The following ABCB7 variants were observed in gnomAD, a reference collection of about 807,000 sequenced individuals.
ABCB7 encodes iron-sulfur clusters transporter ABCB7, mitochondrial.
In ABCB7, 7 loss-of-function variants were observed where a neutral mutation model predicts 54.4. That is an observed-to-expected ratio of 0.13 (90% CI 0.07 to 0.24). The LOEUF (loss-of-function observed/expected upper bound fraction) is 0.24, where lower values mean the gene tolerates loss of function less well. ABCB7 is among the 10% of genes least tolerant of loss of function. The pLI, the probability that ABCB7 is intolerant of heterozygous loss-of-function variation, is 1.00. For missense variants in ABCB7, 356 were observed against 570.4 expected, an observed-to-expected ratio of 0.62 and a Z score of 3.83; for synonymous variants, 218 against 207.1, an observed-to-expected ratio of 1.05 and a Z score of -0.45.
At chrX:75,075,075 G>A (rs1434970685) in intron 6 of ABCB7, among the ~76,000 whole-genome samples, 1 of 111,561 alleles carries the variant, frequency 9.0e-6, no homozygotes, top group Non-Finnish European at 1.9e-5. Flanking sequence ...GAGCATATTA[G>A]TCCAATGTCA....
At chrX:75,058,569 A>G (rs549894003) in intron 15 of ABCB7, among the ~76,000 whole-genome samples, 1 of 112,055 alleles carries the variant, frequency 8.9e-6, no homozygotes, top group Non-Finnish European at 1.9e-5. Context: ...CTAGAAAATG[A>G]AAATCTGTTA....
chrX:75,075,732 C>A, intron 5 of ABCB7, 102 bp from the exon 6 acceptor site: 1 of 781,570 alleles, frequency 1.3e-6, no homozygotes, highest in South Asian at 2.6e-5. Flanking sequence ...ATGAGTAATT[C>A]AGTGAATGAA....
intron 14 of ABCB7, among the ~76,000 whole-genome samples, chrX:75,060,849 A>T (rs2081276995): frequency 9.0e-6 from 1 of 111,174 alleles, no homozygotes; most frequent in Admixed American, 9.6e-5. Context: ...AACTGCAGAA[A>T]CCTCTTTTTC....
chrX:75,150,958 C>A (rs1055133828), intron 1 of ABCB7, among the ~76,000 whole-genome samples: 2 of 111,077 alleles, frequency 1.8e-5, no homozygotes, highest in African/African-American at 6.5e-5. Flanking sequence ...TACTCAGGAA[C>A]ACCATTAGAA....
At position 75,073,672 on chromosome X, in the gene ABCB7, A is replaced by G; in HGVS notation, c.1032+17T>C. 8.8e-7 allele frequency: 1 copy of G among 1,139,522 alleles called. No individual in the cohort carries two copies. Among genetic ancestry groups the G allele is most frequent in the Non-Finnish European group, 1.2e-6 (1 of 830,798 alleles). The allele number at this position is 1,139,522 out of a possible 1,213,427, so 93.9% of individuals were successfully genotyped here. A position where few individuals can be genotyped will look rare whatever the true frequency, so the allele number is the denominator to read the frequency against. On this transcript the variant is annotated intron_variant, in intron 8 of 15. Transcript: ENST00000373394. ...TGCAGTGTGAAAGGCAGAGGAAAGT[A>G]TAATTAAACATATTACCTTCACAGT...
chrX:75,079,246 A>G (rs1172357020), intron 4 of ABCB7, among the ~76,000 whole-genome samples: 1 of 112,077 alleles, frequency 8.9e-6, no homozygotes, highest in Non-Finnish European at 1.9e-5. Context: ...ATAACTGAAT[A>G]CTGTCAGTTT....
chrX:75,145,104 C>T (rs1009065302), intron 1 of ABCB7, among the ~76,000 whole-genome samples: 5 of 110,362 alleles, frequency 4.5e-5, no homozygotes, highest in African/African-American at 1.3e-4. Context: ...AAACAGCCTA[C>T]CAACCACAAA....
At chrX:75,104,255 G>T (rs1162059958) in intron 3 of ABCB7, among the ~76,000 whole-genome samples, 2 of 106,126 alleles carry the variant, frequency 1.9e-5, no homozygotes, top group East Asian at 2.9e-4. Flanking sequence ...ACAAATAAAA[G>T]ATTGATTCTT....
chrX:75,058,520 G>C (rs974045818), intron 15 of ABCB7, among the ~76,000 whole-genome samples: 1 of 111,779 alleles, frequency 8.9e-6, no homozygotes, highest in Non-Finnish European at 1.9e-5. Flanking sequence ...CACAGGAGGT[G>C]ACAGATTATT....
intron 1 of ABCB7, among the ~76,000 whole-genome samples, chrX:75,138,223 T>TACAC (rs60844679): frequency 5.3e-4 from 53 of 99,433 alleles, no homozygotes; most frequent in African/African-American, 1.8e-3. Flanking sequence ...GCAACCCTCA[T>TACAC]ACACACACAC....
intron 1 of ABCB7, among the ~76,000 whole-genome samples, chrX:75,119,632 T>C (rs963195358): frequency 8.9e-6 from 1 of 112,089 alleles, no homozygotes; most frequent in African/African-American, 3.2e-5. Context: ...GCTCATTTAG[T>C]ATAAAAATCA....
intron 1 of ABCB7, among the ~76,000 whole-genome samples, chrX:75,130,440 T>C (rs1279945116): frequency 1.8e-5 from 2 of 112,671 alleles, no homozygotes; most frequent in Non-Finnish European, 3.8e-5. Context: ...AAGAGAGTGT[T>C]ATGACATTTG....
At chrX:75,066,206 C>T (rs1428685780) in intron 12 of ABCB7, among the ~76,000 whole-genome samples, 2 of 111,316 alleles carry the variant, frequency 1.8e-5, no homozygotes, top group Non-Finnish European at 1.9e-5. Flanking sequence ...AATCTCTAAA[C>T]GGTTGGAAGG....
chrX:75,140,406 G>A (rs1012314202), intron 1 of ABCB7, among the ~76,000 whole-genome samples: 1 of 110,787 alleles, frequency 9.0e-6, no homozygotes, highest in Non-Finnish European at 1.9e-5. Flanking sequence ...TTCTAATAAA[G>A]GAAACAGTGT....
chrX:75,114,674 T>C (rs1326273470), intron 2 of ABCB7, 80 bp downstream of exon 2: 4 of 812,490 alleles, frequency 4.9e-6, no homozygotes, highest in African/African-American at 4.1e-5. Flanking sequence ...AGATGTAAAA[T>C]ATGTAGTATA....
intron 4 of ABCB7, among the ~76,000 whole-genome samples, chrX:75,088,570 T>A (rs2081518452): frequency 9.0e-6 from 1 of 111,270 alleles, no homozygotes; most frequent in African/African-American, 3.3e-5. Flanking sequence ...AAAGAATCAG[T>A]GAGCTTGAAG....
intron 1 of ABCB7, among the ~76,000 whole-genome samples, chrX:75,152,578 A>C (rs766222177): frequency 1.8e-5 from 2 of 112,528 alleles, no homozygotes; most frequent in Non-Finnish European, 3.8e-5. Context: ...CTGCAAATGA[A>C]GTCCACATCT....
chrX:75,083,844 C>T (rs1365562719), intron 4 of ABCB7, among the ~76,000 whole-genome samples: 1 of 110,540 alleles, frequency 9.0e-6, no homozygotes, highest in African/African-American at 3.3e-5. Flanking sequence ...ATAATGGCTC[C>T]CCAAAGATAT....
intron 4 of ABCB7, among the ~76,000 whole-genome samples, chrX:75,093,308 A>T (rs1362706656): frequency 2.7e-5 from 3 of 111,702 alleles, no homozygotes; most frequent in Non-Finnish European, 5.7e-5. Flanking sequence ...AAGTGAAGGA[A>T]GCCAGTCTGA....
Sources: gnomAD v4.1 joint callset for allele counts (sites outside exome capture counted in the v4.1 genomes callset) on GRCh38, gnomAD v4.1.1 for gene constraint, MANE v1.5 for transcripts, NCBI Gene and HGNC (gene_info 2026-07-23, HGNC 2026-07-21) for gene names.